Variants in KLHL8 observed in about 807,000 individuals in gnomAD.
KLHL8 encodes the protein kelch-like protein 8.
Under a neutral mutation model 63.5 loss-of-function variants are expected in KLHL8, and 38 were observed. That is an observed-to-expected ratio of 0.60 (90% CI 0.46 to 0.78). The LOEUF (loss-of-function observed/expected upper bound fraction) is 0.78. Among genes scored for constraint, KLHL8 ranks in the 30% least tolerant of loss-of-function variants. The pLI, the probability that KLHL8 is intolerant of heterozygous loss-of-function variation, is 0.00. For missense variants in KLHL8, 566 were observed against 752.4 expected, an observed-to-expected ratio of 0.75 and a Z score of 2.90; for synonymous variants, 224 against 254.3, an observed-to-expected ratio of 0.88 and a Z score of 1.13.
intron 6 of KLHL8, among the ~76,000 whole-genome samples, chr4:87,173,110 T>A (rs911814161): frequency 6.6e-6 from 1 of 152,112 alleles, no homozygotes; most frequent in Non-Finnish European, 1.5e-5. Context: ...ATCGCCTGGT[T>A]TTTGAAGGCT....
chr4:87,198,900 C>G (rs1212640786), intron 1 of KLHL8, among the ~76,000 whole-genome samples: 1 of 152,180 alleles, frequency 6.6e-6, no homozygotes, highest in East Asian at 1.9e-4. Flanking sequence ...GACAATGTAT[C>G]AAAGTCAATT....
At chr4:87,183,872 G>A (rs1258574325) in intron 3 of KLHL8, among the ~76,000 whole-genome samples, 2 of 152,166 alleles carry the variant, frequency 1.3e-5, no homozygotes, top group Admixed American at 1.3e-4. Context: ...TGAAACAAGT[G>A]TTGTTTTCTT....
At chr4:87,167,609 C>A in intron 8 of KLHL8, 1 of 492,308 alleles carries the variant, frequency 2.0e-6, no homozygotes, top group South Asian at 1.5e-5. Context: ...GGAAGCAGCA[C>A]CATGTGCTGC....
At chr4:87,190,926 T>C (rs1358970812) in intron 2 of KLHL8, among the ~76,000 whole-genome samples, 4 of 152,196 alleles carry the variant, frequency 2.6e-5, no homozygotes, top group Non-Finnish European at 5.9e-5. Flanking sequence ...GAGGTACAGA[T>C]ACATGCTCAA....
In KLHL8 at chr4:87,160,757, AAAT is replaced by A. The variant is rs1024372912; in HGVS notation, c.*2759_*2761del. The A allele has an allele frequency of 2.2e-3, 336 of 152,354 alleles. 2 individuals are homozygous for A. Among genetic ancestry groups the A allele is most frequent in the African/African-American group, 7.7e-3 (319 of 41,582 alleles). The allele number at this position is 152,354 out of a possible 1,614,324, so 9.4% of individuals were successfully genotyped here. ...AAGCACCTAGAAATATTTATTGAAGAAATAATAAACAAATTTTCATGATTTATT... is the reference window on the plus strand; with the variant it reads ...AAGCACCTAGAAATATTTATTGAAGAAATAAACAAATTTTCATGATTTATT... On this transcript the variant is annotated 3_prime_UTR_variant, in exon 10 of 10. Transcript: ENST00000273963.
At chr4:87,179,364 T>A (rs926497161) in intron 4 of KLHL8, among the ~76,000 whole-genome samples, 1 of 152,222 alleles carries the variant, frequency 6.6e-6, no homozygotes, top group Admixed American at 6.5e-5. Flanking sequence ...AGCTGTCTTT[T>A]TGCTTTCAGA....
At chr4:87,224,391 C>T (rs6531962), upstream of KLHL8, among the ~76,000 whole-genome samples, 7 of 152,186 alleles carry the variant, frequency 4.6e-5, no homozygotes, top group African/African-American at 1.4e-4. Context: ...TTAAAGGAGT[C>T]GGGGAGCAGG....
chr4:87,163,787 T>G, intron 9 of KLHL8, 91 bp downstream of exon 9: 1 of 1,528,552 alleles, frequency 6.5e-7, no homozygotes, highest in Non-Finnish European at 9.0e-7. Context: ...AAGCTTAGTA[T>G]TAACTACGAC....
At chr4:87,178,449 A>C (rs761924577) in intron 5 of KLHL8, 28 bp downstream of exon 5, 1 of 1,575,108 alleles carries the variant, frequency 6.3e-7, no homozygotes, top group Non-Finnish European at 8.6e-7. Flanking sequence ...TTGTGATCAT[A>C]TGATATTTCA....
Position 87,178,579 on chromosome 4 carries a change from G to A in KLHL8, c.994C>T (p.Pro332Ser), listed in dbSNP as rs1268653610. 3 of 1,606,248 alleles carry A rather than the reference G, an allele frequency of 1.9e-6. No individual in the cohort carries two copies. Among genetic ancestry groups the A allele is most frequent in the Non-Finnish European group, 1.7e-6 (2 of 1,177,800 alleles). ...GAATAGCATTCAATACTGCGAAAGG[G>A]GTCACCAGATCCACCTCGACCACCT... ...CVGGRGGSGD[P>S]FRSIECYSIN... is the part of the protein sequence containing the mutation. Residue 332 changes from proline to serine, a missense_variant, in exon 5 of 10, where the codon CCC (proline) becomes TCC (serine). By Grantham distance (74) the Pro-to-Ser change is moderately conservative. Coordinates refer to ENST00000273963, the MANE Select transcript of KLHL8 (RefSeq NM_020803.5).
intron 1 of KLHL8, among the ~76,000 whole-genome samples, chr4:87,214,459 T>TATATATAA (rs1191224013): frequency 3.9e-5 from 5 of 129,064 alleles, no homozygotes; most frequent in African/African-American, 5.7e-5. Flanking sequence ...TATATATATA[T>TATATATAA]AATTGTCATC....
At chr4:87,187,416 T>A (rs1731307423) in intron 2 of KLHL8, among the ~76,000 whole-genome samples, 1 of 151,696 alleles carries the variant, frequency 6.6e-6, no homozygotes, top group Admixed American at 6.6e-5. Flanking sequence ...TTTTTTGCTC[T>A]TAAGATTGAA....
Position 87,239,431 on chromosome 4 carries a change from C to T in KLHL8, n.57+827G>A, listed in dbSNP as rs189179631. 3.8e-3 allele frequency among the ~76,000 whole-genome samples: 572 copies of T among 152,260 alleles called. 1 individual carries two copies. Among genetic ancestry groups the T allele is most frequent in the African/African-American group, 0.013 (550 of 41,558 alleles). ...TACAGACTTGGCAGGAGCAAAGCTC[C>T]GTTATTTCCCAGTACCTCTCTCCAA... On this transcript the variant is annotated intron_variant and non_coding_transcript_variant, in intron 1 of 1. Coordinates refer to the KLHL8 transcript ENST00000506274.
intron 1 of KLHL8, among the ~76,000 whole-genome samples, chr4:87,204,383 TAAA>T (rs778181173): frequency 1.4e-5 from 2 of 137,994 alleles, no homozygotes; most frequent in Non-Finnish European, 1.6e-5. Flanking sequence ...ATCACTGTTC[TAAA>T]AAAAAAAAAA....
chr4:87,164,905 T>C (rs1240879716), intron 8 of KLHL8, among the ~76,000 whole-genome samples: 1 of 151,886 alleles, frequency 6.6e-6, no homozygotes, highest in Non-Finnish European at 1.5e-5. Flanking sequence ...TCCCAGCACT[T>C]TGGGAGGCCA....
At chr4:87,175,866 T>C (rs577811368) in intron 6 of KLHL8, among the ~76,000 whole-genome samples, 1 of 152,310 alleles carries the variant, frequency 6.6e-6, no homozygotes, top group African/African-American at 2.4e-5. Flanking sequence ...TTGAGGACTA[T>C]TTTCTTAACA....
chr4:87,236,347 T>A lies in KLHL8; in HGVS notation n.57+3911A>T, dbSNP rs934859440. 3.3e-5 allele frequency among the ~76,000 whole-genome samples: 5 copies of A among 151,966 alleles called. 1 individual carries two copies. Among genetic ancestry groups the A allele is most frequent in the Non-Finnish European group, 7.4e-5 (5 of 67,996 alleles). ...CCTCAGCCTCCTGAGTAGCTGGGACTACAGGGGCGCACCACCATGCCCGGC... is the reference window on the plus strand; with the variant it reads ...CCTCAGCCTCCTGAGTAGCTGGGACAACAGGGGCGCACCACCATGCCCGGC... On this transcript the variant is annotated intron_variant and non_coding_transcript_variant, in intron 1 of 1. Transcript: ENST00000506274.
intron 8 of KLHL8, among the ~76,000 whole-genome samples, chr4:87,166,156 T>C (rs1288643616): frequency 2.0e-5 from 3 of 152,198 alleles, no homozygotes; most frequent in African/African-American, 4.8e-5. Flanking sequence ...ATGAGTAAAT[T>C]ATTCATTCTC....
chr4:87,233,358 C>T (rs980546560), intron 1 of KLHL8, among the ~76,000 whole-genome samples: 9 of 152,186 alleles, frequency 5.9e-5, no homozygotes, highest in African/African-American at 9.6e-5. Context: ...GAGGCCGAGG[C>T]GGGTGGATCA....
Sources: allele counts gnomAD v4.1 joint callset (sites outside exome capture counted in the v4.1 genomes callset), GRCh38; gene constraint gnomAD v4.1.1; transcripts MANE v1.5; gene names NCBI Gene and HGNC (gene_info 2026-07-23, HGNC 2026-07-21).